CDH20: variants seen among roughly 807,000 people sequenced by gnomAD.
CDH20 encodes the protein cadherin 20.
CDH20 carries 29 observed loss-of-function variants against 74.2 expected under a neutral mutation model. That is an observed-to-expected ratio of 0.39 (90% confidence interval 0.29 to 0.53). The LOEUF (loss-of-function observed/expected upper bound fraction) is 0.53, where lower values mean the gene tolerates loss of function less well. Among genes scored for constraint, CDH20 ranks in the 20% least tolerant of loss-of-function variants. The probability of loss-of-function intolerance (pLI) is 0.69; values close to 1 mark genes in which losing one functional copy is unlikely to be tolerated. For synonymous variants in CDH20, 469 were observed against 405.4 expected (o/e 1.16, Z -1.88); for missense variants, 988 against 1,048.3 (o/e 0.94, Z 0.79).
chr18:61,476,555 G>A (rs908976574), intron 1 of CDH20, among the ~76,000 whole-genome samples: 1 of 152,138 alleles, frequency 6.6e-6, no homozygotes, highest in African/African-American at 2.4e-5. Context: ...ATGATTTAGT[G>A]CCAAAATGAT....
At chr18:61,363,945 AG>A (rs1910778744) in intron 1 of CDH20, among the ~76,000 whole-genome samples, 1 of 152,206 alleles carries the variant, frequency 6.6e-6, no homozygotes, top group African/African-American at 2.4e-5. Flanking sequence ...AAAAGAAGAA[AG>A]AAAGGGAAGC....
chr18:61,454,013 G>T (rs2144344266), intron 1 of CDH20, among the ~76,000 whole-genome samples: 1 of 152,186 alleles, frequency 6.6e-6, no homozygotes, highest in East Asian at 1.9e-4. Flanking sequence ...TTGGTGTATG[G>T]CACTATGTCA....
rs1421181507 is a variant in CDH20, at chr18:61,490,432, C to A, written c.-122C>A. Reference sequence around the variant, plus strand: ...CAACTTCAAGCAGATTGACTTGAAACGGGATCTCATTTAGGAAGCATAAGT... The same window carrying A: ...CAACTTCAAGCAGATTGACTTGAAAAGGGATCTCATTTAGGAAGCATAAGT... On this transcript the variant is annotated 5_prime_UTR_variant, in exon 2 of 12. Transcript: ENST00000262717. 5 of 936,822 alleles carry A rather than the reference C, an allele frequency of 5.3e-6. No homozygotes were observed. The African/African-American group carries it at 6.6e-5, about 12-fold the overall frequency. The allele number at this position is 936,822 out of a possible 1,614,324, so 58.0% of individuals were successfully genotyped here.
At chr18:61,456,568 A>G (rs1909577413) in intron 1 of CDH20, among the ~76,000 whole-genome samples, 1 of 152,202 alleles carries the variant, frequency 6.6e-6, no homozygotes, top group Non-Finnish European at 1.5e-5. Context: ...GTTTGGAGAA[A>G]GATGTATTGG....
intron 1 of CDH20, among the ~76,000 whole-genome samples, chr18:61,343,153 CACA>C (rs1157651069): frequency 6.6e-6 from 1 of 152,188 alleles, no homozygotes; most frequent in Non-Finnish European, 1.5e-5. Context: ...ATAATCAGTG[CACA>C]ACAACTACTT....
intron 1 of CDH20, among the ~76,000 whole-genome samples, chr18:61,429,735 A>T (rs1913189143): frequency 6.6e-6 from 1 of 152,202 alleles, no homozygotes; most frequent in African/African-American, 2.4e-5. Flanking sequence ...TCTAATTCCC[A>T]GTAAGATGCC....
At chr18:61,458,680 T>C (rs1045389107) in intron 1 of CDH20, among the ~76,000 whole-genome samples, 2 of 152,240 alleles carry the variant, frequency 1.3e-5, no homozygotes, top group African/African-American at 4.8e-5. Context: ...GCAATTTAAC[T>C]TGAAGCTAGA....
chr18:61,454,920 G>C (rs114288062), intron 1 of CDH20, among the ~76,000 whole-genome samples: 2 of 152,164 alleles, frequency 1.3e-5, no homozygotes, highest in African/African-American at 4.8e-5. Flanking sequence ...AGCATCATGC[G>C]TGAGGCAAAA....
chr18:61,539,227 A>C, intron 9 of CDH20, 82 bp downstream of exon 9: 1 of 1,438,002 alleles, frequency 7.0e-7, no homozygotes, highest in African/African-American at 1.4e-5. Flanking sequence ...TCACCATCAA[A>C]GCCATTTTGA....
chr18:61,414,118 T>C lies in CDH20; in HGVS notation c.-152-76284T>C, dbSNP rs548610468. Among the ~76,000 whole-genome samples the C allele has an allele frequency of 7.2e-5, 11 of 152,270 alleles. No individual in the cohort carries two copies. The South Asian group carries it at 2.1e-3, about 29-fold the overall frequency. ...TCTTGTAGACTGCATGGTCCCTCCA[T>C]CGTATTTTAGAAACTAAAAAATAAT... is the stretch of plus-strand genomic sequence containing the variant. On this transcript the variant is annotated intron_variant, in intron 1 of 11. Coordinates refer to ENST00000262717, the MANE Select transcript of CDH20 (RefSeq NM_031891.4).
chr18:61,471,869 G>A (rs1445797422), intron 1 of CDH20, among the ~76,000 whole-genome samples: 1 of 152,066 alleles, frequency 6.6e-6, no homozygotes, highest in Non-Finnish European at 1.5e-5. Flanking sequence ...TTACTTACTG[G>A]AAACACTAAG....
rs1913126969 is a variant in CDH20 at position 61,543,784 on chromosome 18, A to G, written c.1531-1243A>G. Among the ~76,000 whole-genome samples the G allele has an allele frequency of 2.0e-5, 3 of 152,172 alleles. 1 individual carries two copies. In the South Asian group the frequency reaches 6.2e-4, roughly 31 times the overall value. ...TGTTAACCTGACATGGCCAATGCCAATGGGTCACTCACTTCTCTTCAGGTC... is the reference window on the plus strand; with the variant it reads ...TGTTAACCTGACATGGCCAATGCCAGTGGGTCACTCACTTCTCTTCAGGTC... On this transcript the variant is annotated intron_variant, in intron 9 of 11. Coordinates refer to ENST00000262717, the MANE Select transcript of CDH20 (RefSeq NM_031891.4).
chr18:61,343,091 G>A (rs1431179773), intron 1 of CDH20, among the ~76,000 whole-genome samples: 3 of 152,120 alleles, frequency 2.0e-5, no homozygotes, highest in Non-Finnish European at 4.4e-5. Flanking sequence ...GTAAGGACAG[G>A]AACTCTCTTG....
At chr18:61,350,789 A>G (rs1910278518) in intron 1 of CDH20, among the ~76,000 whole-genome samples, 1 of 152,140 alleles carries the variant, frequency 6.6e-6, no homozygotes, top group South Asian at 2.1e-4. Flanking sequence ...TGCCTCCTCT[A>G]GGTAGAAGGC....
chr18:61,363,099 C>T (rs892735890), intron 1 of CDH20, among the ~76,000 whole-genome samples: 2 of 152,084 alleles, frequency 1.3e-5, no homozygotes, highest in East Asian at 1.9e-4. Context: ...ATCTTGGGCC[C>T]TTAATATGCC....
At chr18:61,367,173 TAAGA>T (rs1910890446) in intron 1 of CDH20, among the ~76,000 whole-genome samples, 1 of 152,088 alleles carries the variant, frequency 6.6e-6, no homozygotes, top group African/African-American at 2.4e-5. Flanking sequence ...TGCCAATTCT[TAAGA>T]AAGTAAGAAG....
intron 10 of CDH20, 128 bp downstream of exon 10, chr18:61,545,272 C>A: frequency 1.6e-6 from 1 of 633,762 alleles, no homozygotes; most frequent in Non-Finnish European, 2.7e-6. Context: ...GTTAATAATT[C>A]AGTGTATTTT....
chr18:61,506,665 G>C (rs139983292), intron 5 of CDH20, among the ~76,000 whole-genome samples: 1 of 152,318 alleles, frequency 6.6e-6, no homozygotes, highest in Non-Finnish European at 1.5e-5. Context: ...GTGAGCTCAG[G>C]ATATCATGTC....
intron 1 of CDH20, among the ~76,000 whole-genome samples, chr18:61,373,625 G>T (rs1911115863): frequency 6.6e-6 from 1 of 152,040 alleles, no homozygotes; most frequent in Admixed American, 6.6e-5. Context: ...GAAGGCTCAG[G>T]GATGACAGAA....
Sources: gnomAD v4.1 joint callset for allele counts (sites outside exome capture counted in the v4.1 genomes callset) on GRCh38, gnomAD v4.1.1 for gene constraint, MANE v1.5 for transcripts, NCBI Gene and HGNC (gene_info 2026-07-23, HGNC 2026-07-21) for gene names.